The following COBL variants were observed in gnomAD, a reference collection of about 807,000 sequenced individuals.
COBL encodes cordon-bleu WH2 repeat protein, also known as protein cordon-bleu.
In COBL, 51 loss-of-function variants were observed where a neutral mutation model predicts 98.8. That is an observed-to-expected ratio of 0.52 (90% CI 0.41 to 0.65). COBL has a LOEUF of 0.65. Among genes scored for constraint, COBL ranks in the 30% least tolerant of loss-of-function variants. COBL has a pLI of 0.00. For missense variants in COBL, 1,617 were observed against 1,617.5 expected (o/e 1.00, Z 0.01); for synonymous variants, 634 against 651.7 (o/e 0.97, Z 0.41).
rs1457816426 is a variant in COBL, at chr7:51,029,131, A to G, written c.1965T>C (p.Ala655=). The G allele has an allele frequency of 1.2e-6, 2 of 1,614,058 alleles. No individual in the cohort carries two copies. Among genetic ancestry groups the G allele is most frequent in the African/African-American group, 2.7e-5 (2 of 74,920 alleles). ...AKVKDKVYGC[A]DGERTQATER... The stretch of plus-strand genomic sequence containing the variant: ...CTGTGGCTTGAGTCCTCTCCCCGTC[A>G]GCACAGCCATACACTTTGTCTTTCA... Residue 655 remains alanine (A), a synonymous_variant, in exon 10 of 13, where the codon GCT becomes GCC. Coordinates refer to ENST00000265136, the MANE Select transcript of COBL (RefSeq NM_015198.5).
chr7:51,297,015 G>C (rs1801474853), intron 1 of COBL, among the ~76,000 whole-genome samples: 1 of 152,154 alleles, frequency 6.6e-6, no homozygotes, highest in Non-Finnish European at 1.5e-5. Context: ...CTGGACGTCT[G>C]AATCACCAGG....
intron 6 of COBL, among the ~76,000 whole-genome samples, chr7:51,096,172 G>C (rs1795254975): frequency 6.6e-6 from 1 of 152,054 alleles, no homozygotes; most frequent in East Asian, 1.9e-4. Flanking sequence ...TATCTTTTCT[G>C]ACTATAAATA....
chr7:51,077,588 C>T (rs1793213555), intron 7 of COBL, among the ~76,000 whole-genome samples: 1 of 152,242 alleles, frequency 6.6e-6, no homozygotes, highest in Non-Finnish European at 1.5e-5. Flanking sequence ...TGTAAACTAA[C>T]TCTGGAAGAG....
chr7:51,095,328 C>G (rs994981823), intron 6 of COBL, among the ~76,000 whole-genome samples: 5 of 152,146 alleles, frequency 3.3e-5, no homozygotes, highest in Non-Finnish European at 7.4e-5. Context: ...CCCATTGGGT[C>G]CCTCTCACGA....
chr7:51,141,385 A>T (rs907077820), intron 5 of COBL, among the ~76,000 whole-genome samples: 3 of 152,194 alleles, frequency 2.0e-5, no homozygotes, highest in Non-Finnish European at 4.4e-5. Flanking sequence ...AGATCCTCTT[A>T]GAAGGACATG....
At chr7:51,189,908 T>G (rs1053374066) in intron 4 of COBL, among the ~76,000 whole-genome samples, 5 of 152,186 alleles carry the variant, frequency 3.3e-5, no homozygotes, top group African/African-American at 1.2e-4. Context: ...ATCAGAAACA[T>G]GTGCTTACAC....
chr7:51,169,882 T>C (rs1225831539), intron 5 of COBL, among the ~76,000 whole-genome samples: 1 of 152,204 alleles, frequency 6.6e-6, no homozygotes, highest in Admixed American at 6.5e-5. Flanking sequence ...CTTGAGGGGA[T>C]GGATACTCCA....
At chr7:51,294,407 T>C (rs1416472196) in intron 1 of COBL, among the ~76,000 whole-genome samples, 2 of 151,024 alleles carry the variant, frequency 1.3e-5, no homozygotes, top group Non-Finnish European at 2.9e-5. Flanking sequence ...CCAAGGCAGG[T>C]GGATCACCTG....
chr7:51,298,997 G>A (rs553142301), intron 1 of COBL, among the ~76,000 whole-genome samples: 18 of 152,284 alleles, frequency 1.2e-4, no homozygotes, highest in African/African-American at 3.4e-4. Flanking sequence ...ATGGAGTCAG[G>A]GAGGCAACAT....
At position 51,083,124 on chromosome 7, in the gene COBL, C is replaced by A. The variant is rs745397609; in HGVS notation, c.1096+2042G>T. On this transcript the variant is annotated intron_variant, in intron 7 of 12. Transcript: ENST00000265136. The stretch of plus-strand genomic sequence containing the variant: ...CCGGGAAAGCTGAGAGGCTCCACCA[C>A]GTCTGTGTCGGGAGGAGGGTAGGGC... 2.3e-5 allele frequency: 28 copies of A among 1,198,458 alleles called. No homozygotes were observed. The African/African-American group carries it at 3.4e-4, about 15-fold the overall frequency. 74.2% of individuals were successfully genotyped at this position (1,198,458 alleles called of 1,614,324 possible). A position where few individuals can be genotyped will look rare whatever the true frequency, so the allele number is the denominator to read the frequency against.
At chr7:51,083,180 C>A in intron 7 of COBL, 5 of 1,487,992 alleles carry the variant, frequency 3.4e-6, no homozygotes, top group African/African-American at 1.4e-5. Flanking sequence ...CTGGGGTGGA[C>A]CCCGAGCAGT....
chr7:51,043,605 C>A lies in COBL; in HGVS notation c.1184G>T (p.Gly395Val), dbSNP rs538620744. The change falls in exon 8 of 13, where the codon GGC becomes GTC. Residue 395 changes from glycine to valine, a missense_variant. Around this residue, in one of 3 missense-constraint regions of COBL, gnomAD observed 1,304 missense variants for 1,282.0 expected, o/e 1.02. Coordinates refer to ENST00000265136, the MANE Select transcript of COBL (RefSeq NM_015198.5). ...CGTGTCCTCCGACGCAAAACAGCTG[C>A]CAACTGACACGGTCTCCTCCGCCTC... ...LSEAEETVSVGSCFASEDTTE... is the reference protein window; with the variant it reads ...LSEAEETVSVVSCFASEDTTE... The A allele has an allele frequency of 5.0e-6, 8 of 1,614,204 alleles. No homozygotes were observed. In the South Asian group the frequency reaches 7.7e-5, roughly 16 times the overall value.
At chr7:51,078,198 T>C (rs1418296172) in intron 7 of COBL, among the ~76,000 whole-genome samples, 1 of 152,190 alleles carries the variant, frequency 6.6e-6, no homozygotes, top group East Asian at 1.9e-4. Context: ...ATTGGGTCAG[T>C]GTATTACTCA....
At chr7:51,026,753 C>T in intron 10 of COBL, 88 bp from the exon 11 acceptor site, 2 of 1,507,248 alleles carry the variant, frequency 1.3e-6, no homozygotes, top group Non-Finnish European at 1.8e-6. Context: ...CACTCATGGG[C>T]CAGGCACGGT....
chr7:51,283,627 T>G (rs187342804), intron 1 of COBL, among the ~76,000 whole-genome samples: 1 of 151,904 alleles, frequency 6.6e-6, no homozygotes, highest in Non-Finnish European at 1.5e-5. Flanking sequence ...TGGGATTACA[T>G]GTGCGCACCA....
chr7:51,240,846 T>C (rs1326795502), intron 1 of COBL, among the ~76,000 whole-genome samples: 1 of 152,210 alleles, frequency 6.6e-6, no homozygotes, highest in Non-Finnish European at 1.5e-5. Context: ...CCCAGCCTAC[T>C]ATTATTTTAA....
intron 1 of COBL, among the ~76,000 whole-genome samples, chr7:51,265,793 T>A (rs573547788): frequency 3.3e-5 from 5 of 152,272 alleles, no homozygotes; most frequent in Non-Finnish European, 7.4e-5. Flanking sequence ...TCCATGTGGA[T>A]CAACTGTCCA....
At chr7:51,310,167 G>C (rs2129216818) in intron 1 of COBL, among the ~76,000 whole-genome samples, 1 of 152,332 alleles carries the variant, frequency 6.6e-6, no homozygotes, top group South Asian at 2.1e-4. Flanking sequence ...GCTCCCAGTT[G>C]CAATAATCAC....
At chr7:51,205,647 G>GTTT (rs11463515) in intron 2 of COBL, among the ~76,000 whole-genome samples, 5 of 142,400 alleles carry the variant, frequency 3.5e-5, no homozygotes, top group South Asian at 2.2e-4. Context: ...TTGGTTTTTT[G>GTTT]TTTTTTTTTT....
Sources: allele counts gnomAD v4.1 joint callset (sites outside exome capture counted in the v4.1 genomes callset), GRCh38; gene constraint gnomAD v4.1.1; regional missense constraint gnomAD v4.1.1; transcripts MANE v1.5; gene names NCBI Gene and HGNC (gene_info 2026-07-23, HGNC 2026-07-21).